CKAP2L: variants seen among roughly 807,000 people sequenced by gnomAD.
CKAP2L encodes the protein cytoskeleton-associated protein 2-like.
Under a neutral mutation model 65.7 loss-of-function variants are expected in CKAP2L, and 42 were observed. The observed-to-expected ratio is 0.64, with a 90% CI of 0.50 to 0.83. CKAP2L has a LOEUF of 0.83. CKAP2L is among the 40% of genes least tolerant of loss of function. CKAP2L has a pLI of 0.00. For synonymous variants in CKAP2L, 325 were observed against 313.5 expected, an observed-to-expected ratio of 1.04 and a Z score of -0.39; for missense variants, 908 against 871.0, an observed-to-expected ratio of 1.04 and a Z score of -0.53.
intron 7 of CKAP2L, among the ~76,000 whole-genome samples, chr2:112,741,492 A>G (rs1679961841): frequency 6.6e-6 from 1 of 152,222 alleles, no homozygotes; most frequent in Non-Finnish European, 1.5e-5. Context: ...ATGGTAGCCC[A>G]AACACAATCA....
At chr2:112,751,072 T>C (rs1296758734) in intron 5 of CKAP2L, among the ~76,000 whole-genome samples, 1 of 152,126 alleles carries the variant, frequency 6.6e-6, no homozygotes, top group Non-Finnish European at 1.5e-5. Context: ...CCATAACAAA[T>C]TGAGAGGATA....
Position 112,762,586 on chromosome 2 carries a change from C to T in CKAP2L, c.38-17G>A, listed in dbSNP as rs565495978. ...GCCGCTCTTCTGCAACACAGGCAAGCAAACAAACGACATAACTTTAGTTCA... is the reference window on the plus strand; with the variant it reads ...GCCGCTCTTCTGCAACACAGGCAAGTAAACAAACGACATAACTTTAGTTCA... On this transcript the variant is annotated splice_polypyrimidine_tract_variant and intron_variant, in intron 1 of 8. Coordinates refer to ENST00000302450, the MANE Select transcript of CKAP2L (RefSeq NM_152515.5). The T allele has an allele frequency of 2.5e-6, 4 of 1,602,636 alleles. No homozygotes were observed. In the South Asian group the frequency reaches 3.3e-5, roughly 13 times the overall value.
chr2:112,752,481 T>C lies in CKAP2L; in HGVS notation c.1395-7A>G. ...CCATTCTTCTAGTTGTTTCCTGAAATTCAATTAAAGGGAGAGTGGTTTTAT... is the reference window on the plus strand; with the variant it reads ...CCATTCTTCTAGTTGTTTCCTGAAACTCAATTAAAGGGAGAGTGGTTTTAT... On this transcript the variant is annotated splice_region_variant and splice_polypyrimidine_tract_variant and intron_variant, in intron 4 of 8. Coordinates refer to ENST00000302450, the MANE Select transcript of CKAP2L (RefSeq NM_152515.5). 1 of 1,572,268 alleles carries C rather than the reference T, an allele frequency of 6.4e-7. No individual in the cohort carries two copies. The highest frequency in any genetic ancestry group is 1.4e-5 in the African/African-American group (1 of 73,208).
In CKAP2L at chr2:112,738,698, T is replaced by G. The variant is rs1679572907; in HGVS notation, c.*125A>C. On this transcript the variant is annotated 3_prime_UTR_variant, in exon 9 of 9. Coordinates refer to ENST00000302450, the MANE Select transcript of CKAP2L (RefSeq NM_152515.5). ...TTTGAGAGTAAGCCCAGTGAATTACTTAAGTCCTGAGCGTCCATAATCTGC... is the reference window on the plus strand; with the variant it reads ...TTTGAGAGTAAGCCCAGTGAATTACGTAAGTCCTGAGCGTCCATAATCTGC... The G allele has an allele frequency of 1.5e-6, 1 of 654,804 alleles. No homozygotes were observed. The highest frequency in any genetic ancestry group is 2.7e-5 in the East Asian group (1 of 36,898). 40.6% of individuals were successfully genotyped at this position (654,804 alleles called of 1,614,324 possible).
In CKAP2L at chr2:112,738,946, C is replaced by T; in HGVS notation, c.2115G>A (p.Gln705=). The T allele has an allele frequency of 6.2e-7, 1 of 1,614,180 alleles. No homozygotes were observed. Among genetic ancestry groups the T allele is most frequent in the Non-Finnish European group, 8.5e-7 (1 of 1,180,028 alleles). The part of the protein sequence containing the change: ...RAVSRYPEML[Q]EHDLVVASLD... ...GAGAAGCCACTACTAAATCGTGTTCCTGCAGCATTTCTGGGTAGCGGGACA... is the reference window on the plus strand; with the variant it reads ...GAGAAGCCACTACTAAATCGTGTTCTTGCAGCATTTCTGGGTAGCGGGACA... The change falls in exon 9 of 9, where the codon CAG becomes CAA. Residue 705 remains glutamine (Q), a synonymous_variant. Transcript: ENST00000302450.
intron 1 of CKAP2L, 95 bp from the exon 2 acceptor site, chr2:112,762,664 T>A (rs1680761553): frequency 9.5e-7 from 1 of 1,056,520 alleles, no homozygotes; most frequent in Non-Finnish European, 1.4e-6. Context: ...TCTCTAGTGA[T>A]TTTGCCTTTG....
At chr2:112,764,380 G>A (rs1476098293) in intron 1 of CKAP2L, among the ~76,000 whole-genome samples, 182 bp downstream of exon 1, 1 of 152,174 alleles carries the variant, frequency 6.6e-6, no homozygotes, top group African/African-American at 2.4e-5. Flanking sequence ...AGCCTCCCCC[G>A]CCCAGGACCC....
chr2:112,742,993 G>C (rs72950400), intron 6 of CKAP2L: 1 of 519,412 alleles, frequency 1.9e-6, no homozygotes, highest in South Asian at 2.8e-5. Flanking sequence ...TTAATGAACA[G>C]ATGTATTTAA....
chr2:112,754,614 A>G (rs1375178945), intron 4 of CKAP2L, among the ~76,000 whole-genome samples: 1 of 152,256 alleles, frequency 6.6e-6, no homozygotes, highest in Non-Finnish European at 1.5e-5. Context: ...CTGTGTGCTC[A>G]TCACTGTGTC....
At position 112,757,098 on chromosome 2, in the gene CKAP2L, C is replaced by T. The variant is rs201644741; in HGVS notation, c.273G>A (p.Pro91=). ...RPPNTAGSQK[P]KLEPPKLLGK... The stretch of plus-strand genomic sequence containing the variant: ...CCAGAAGTTTTGGTGGCTCCAACTT[C>T]GGCTTCTGGGACCCTGCAGTATTAG... The change falls in exon 4 of 9, where the codon CCG becomes CCA. Residue 91 remains proline, a synonymous_variant. Coordinates refer to ENST00000302450, the MANE Select transcript of CKAP2L (RefSeq NM_152515.5). The T allele has an allele frequency of 3.4e-5, 55 of 1,613,976 alleles. No individual in the cohort carries two copies. The highest frequency in any genetic ancestry group is 1.2e-4 in the African/African-American group (9 of 74,882).
intron 7 of CKAP2L, among the ~76,000 whole-genome samples, chr2:112,741,790 C>T (rs1003989709): frequency 2.6e-5 from 4 of 151,860 alleles, no homozygotes; most frequent in Admixed American, 6.6e-5. Flanking sequence ...GATGGAGTTT[C>T]GCTCTTGTTG....
At chr2:112,763,372 T>C (rs1680790300) in intron 1 of CKAP2L, among the ~76,000 whole-genome samples, 1 of 152,136 alleles carries the variant, frequency 6.6e-6, no homozygotes, top group Non-Finnish European at 1.5e-5. Context: ...CAAACCCTTA[T>C]ATGGCTTCCT....
At chr2:112,743,963 G>A (rs939085179) in intron 6 of CKAP2L, among the ~76,000 whole-genome samples, 1 of 152,132 alleles carries the variant, frequency 6.6e-6, no homozygotes, top group African/African-American at 2.4e-5. Flanking sequence ...TTCCTTACCT[G>A]GAACTCTGTA....
chr2:112,757,863 C>G (rs575920166), intron 3 of CKAP2L, among the ~76,000 whole-genome samples: 1 of 152,216 alleles, frequency 6.6e-6, no homozygotes, highest in African/African-American at 2.4e-5. Flanking sequence ...TCCAAAGAAC[C>G]CTGAAAAAAT....
rs1680838562 is a variant in CKAP2L, at chr2:112,764,484, C to A, written c.37+78G>T. ...GAGCGGACGGGCACCTCCCGCGGGA[C>A]GAACTCACTCGGTGGCCTCCTACTT... On this transcript the variant is annotated intron_variant, in intron 1 of 8. Transcript: ENST00000302450. The A allele has an allele frequency of 2.0e-6, 3 of 1,500,528 alleles. No homozygotes were observed. In the South Asian group the frequency reaches 3.4e-5, roughly 17 times the overall value. 93.0% of individuals were successfully genotyped at this position (1,500,528 alleles called of 1,614,324 possible).
Position 112,740,881 on chromosome 2 carries a change from C to A in CKAP2L, c.1949G>T (p.Arg650Leu), listed in dbSNP as rs779883772. The A allele has an allele frequency of 1.2e-6, 2 of 1,614,054 alleles. No individual in the cohort carries two copies. The highest frequency in any genetic ancestry group is 3.3e-5 in the Admixed American group (2 of 60,016). Residue 650 changes from arginine to leucine, a missense_variant, in exon 8 of 9, where the codon CGA (arginine) becomes CTA (leucine). Physicochemically the swap from Arg to Leu is moderately radical, Grantham distance 102 (BLOSUM62 -2). Transcript: ENST00000302450. ...ATTATGCTGTTCTGCCTTGGCTATT[C>A]GGGGTGTCGCCGTGACTTGTTCCCT... is the stretch of plus-strand genomic sequence containing the variant. Reference protein sequence around the residue: ...KEREQVTATPRIAKAEQHNYP... With the variant: ...KEREQVTATPLIAKAEQHNYP...
In CKAP2L at chr2:112,746,430, T is replaced by G; in HGVS notation, c.1748A>C (p.Asn583Thr). 6.2e-7 allele frequency: 1 copy of G among 1,609,910 alleles called. No homozygotes were observed. Among genetic ancestry groups the G allele is most frequent in the Non-Finnish European group, 8.5e-7 (1 of 1,177,044 alleles). The change falls in exon 6 of 9, where the codon AAT (asparagine) becomes ACT (threonine). Residue 583 changes from asparagine (N) to threonine (T), a missense_variant. Asn to Thr is a moderately conservative substitution (Grantham distance 65). Coordinates refer to ENST00000302450, the MANE Select transcript of CKAP2L (RefSeq NM_152515.5). ...VIGLYEEAIK[N>T]GATPIQELRK... Reference sequence around the variant, plus strand: ...AAGACAGATACTCACTGTTGCCCCATTTTTAATGGCCTCTTCATATAGCCC... The same window carrying G: ...AAGACAGATACTCACTGTTGCCCCAGTTTTAATGGCCTCTTCATATAGCCC...
intron 2 of CKAP2L, among the ~76,000 whole-genome samples, chr2:112,762,120 C>A (rs1009853870): frequency 2.0e-5 from 3 of 152,210 alleles, no homozygotes; most frequent in African/African-American, 7.2e-5. Context: ...TTGATTGTAA[C>A]TGGCTCTCCT....
chr2:112,745,505 G>A (rs551601402), intron 6 of CKAP2L, among the ~76,000 whole-genome samples: 68 of 151,414 alleles, frequency 4.5e-4, no homozygotes, highest in African/African-American at 1.4e-3. Flanking sequence ...TCAGCCTCCC[G>A]AGTAGCTGGG....
Sources: allele counts gnomAD v4.1 joint callset (sites outside exome capture counted in the v4.1 genomes callset), GRCh38; gene constraint gnomAD v4.1.1; transcripts MANE v1.5; gene names NCBI Gene and HGNC (gene_info 2026-07-23, HGNC 2026-07-21).